KLRG1: variants seen among roughly 807,000 people sequenced by gnomAD.
KLRG1 encodes the protein killer cell lectin-like receptor subfamily G member 1.
KLRG1 carries 16 observed loss-of-function variants against 21.8 expected under a neutral mutation model. The observed-to-expected ratio is 0.73, with a 90% confidence interval of 0.50 to 1.11. The LOEUF (loss-of-function observed/expected upper bound fraction) is 1.11, where lower values mean the gene tolerates loss of function less well. Among genes scored for constraint, KLRG1 ranks in the 50% most tolerant of loss-of-function variants. The probability of loss-of-function intolerance (pLI) is 0.00; values close to 1 mark genes in which losing one functional copy is unlikely to be tolerated. For synonymous variants in KLRG1, 69 were observed against 75.9 expected (o/e 0.91, Z 0.47); for missense variants, 173 against 218.3 (o/e 0.79, Z 1.31).
the KLRG1 span, among the ~76,000 whole-genome samples, chr12:9,130,533 A>G: frequency 6.6e-6 from 1 of 151,908 alleles, no homozygotes; most frequent in South Asian, 2.1e-4. Flanking sequence ...TTTGATTTGC[A>G]TTTCTCTGGT....
the KLRG1 span, chr12:9,079,403 T>C: frequency 7.0e-7 from 1 of 1,433,812 alleles, no homozygotes; most frequent in East Asian, 2.3e-5. Context: ...TTACTAAAAG[T>C]ACCTTGGCTT....
At chr12:9,202,245 G>T in the KLRG1 span, 1 of 1,322,424 alleles carries the variant, frequency 7.6e-7, no homozygotes, top group Non-Finnish European at 1.1e-6. Flanking sequence ...CGCTTTTCTT[G>T]TACCTTTCTA....
At chr12:8,995,367 A>G (rs1430142142) in intron 3 of KLRG1, 79 bp downstream of exon 3, 8 of 1,225,678 alleles carry the variant, frequency 6.5e-6, no homozygotes, top group Non-Finnish European at 9.2e-6. Context: ...TAAATGTATC[A>G]TGTATCCTCT....
chr12:9,068,951 C>G, the KLRG1 span: 1 of 688,840 alleles, frequency 1.5e-6, no homozygotes, highest in East Asian at 2.7e-5. Context: ...TATCCTACAG[C>G]ACACTATAGG....
chr12:9,126,280 T>A, the KLRG1 span, among the ~76,000 whole-genome samples: 1 of 152,240 alleles, frequency 6.6e-6, no homozygotes, highest in African/African-American at 2.4e-5. Flanking sequence ...ATTTTTACTA[T>A]AACTCATTTG....
chr12:8,960,459 C>T (rs1041499506), intron 1 of KLRG1, among the ~76,000 whole-genome samples: 2 of 152,166 alleles, frequency 1.3e-5, no homozygotes, highest in African/African-American at 4.8e-5. Flanking sequence ...AGTGTTTTCA[C>T]CTGCCAGAGT....
At chr12:8,973,927 T>G (rs1946613203) in intron 1 of KLRG1, among the ~76,000 whole-genome samples, 1 of 152,188 alleles carries the variant, frequency 6.6e-6, no homozygotes, top group Non-Finnish European at 1.5e-5. Context: ...ACTTTACTAG[T>G]TCTAATACTT....
At chr12:9,153,234 T>A in the KLRG1 span, 1 of 1,614,148 alleles carries the variant, frequency 6.2e-7, no homozygotes. Flanking sequence ...TACTTGGAAA[T>A]TTGTAGAAAA....
chr12:9,082,670 A>C, the KLRG1 span, among the ~76,000 whole-genome samples: 1 of 152,260 alleles, frequency 6.6e-6, no homozygotes, highest in Non-Finnish European at 1.5e-5. Context: ...TGACACCTCC[A>C]AAAGAAACTG....
chr12:9,198,259 G>A, the KLRG1 span, among the ~76,000 whole-genome samples: 5 of 151,996 alleles, frequency 3.3e-5, no homozygotes, highest in East Asian at 9.7e-4. Context: ...GGTTTAGGCA[G>A]GAGATTCACA....
At chr12:9,017,427 G>T in the KLRG1 span, among the ~76,000 whole-genome samples, 1 of 151,954 alleles carries the variant, frequency 6.6e-6, no homozygotes, top group African/African-American at 2.4e-5. Context: ...TGACAAAATG[G>T]GATTTATCCC....
the KLRG1 span, among the ~76,000 whole-genome samples, chr12:9,050,638 T>G: frequency 1.3e-5 from 2 of 151,776 alleles, no homozygotes; most frequent in Non-Finnish European, 2.9e-5. Flanking sequence ...GGGCCGGGAG[T>G]AGGCAGGATC....
chr12:8,957,934 A>G (rs1946321967), intron 1 of KLRG1, among the ~76,000 whole-genome samples: 1 of 152,226 alleles, frequency 6.6e-6, no homozygotes, highest in Admixed American at 6.5e-5. Flanking sequence ...AATTGTAGAA[A>G]GCACACCTGC....
the KLRG1 span, among the ~76,000 whole-genome samples, chr12:9,047,280 C>A: frequency 6.6e-6 from 1 of 152,054 alleles, no homozygotes; most frequent in Non-Finnish European, 1.5e-5. Context: ...TTATAAGGGA[C>A]GGGAGTGAGG....
At chr12:9,164,018 A>C in the KLRG1 span, 5 of 1,396,878 alleles carry the variant, frequency 3.6e-6, no homozygotes, top group African/African-American at 4.4e-5. Context: ...AGGAAAAAAA[A>C]CTAACTTTAT....
chr12:9,167,151 C>T, the KLRG1 span: 1 of 152,218 alleles, frequency 6.6e-6, no homozygotes, highest in Non-Finnish European at 1.5e-5. Flanking sequence ...TCTGTCTTCA[C>T]TCTTATCTTA....
At chr12:9,074,826 A>G in the KLRG1 span, 1 of 1,543,646 alleles carries the variant, frequency 6.5e-7, no homozygotes, top group Non-Finnish European at 8.8e-7. Context: ...CTACATATTT[A>G]TATTTAATTC....
At chr12:9,157,555 C>G in the KLRG1 span, among the ~76,000 whole-genome samples, 92,007 of 152,048 alleles carry the variant, frequency 0.61, 28,260 homozygotes, top group East Asian at 0.9. Context: ...ACTAGAGAAC[C>G]TGTTTTTAGG....
the KLRG1 span, among the ~76,000 whole-genome samples, chr12:9,173,491 G>T: frequency 6.6e-6 from 1 of 152,180 alleles, no homozygotes; most frequent in African/African-American, 2.4e-5. Flanking sequence ...AGCTGAAGGA[G>T]ATAGAGACAT....
Sources: allele counts gnomAD v4.1 joint callset (sites outside exome capture counted in the v4.1 genomes callset), GRCh38; gene constraint gnomAD v4.1.1; transcripts MANE v1.5; gene names NCBI Gene and HGNC (gene_info 2026-07-23, HGNC 2026-07-21).